CD1B: variants seen among roughly 807,000 people sequenced by gnomAD.
The protein encoded by CD1B is CD1b molecule.
A neutral mutation model predicts 39.8 loss-of-function variants in CD1B; 43 were observed. The ratio of observed to expected loss-of-function variants is 1.08; its 90% confidence interval spans 0.85 to 1.39. The LOEUF is 1.39. CD1B is among the 40% of genes most tolerant of loss of function. The pLI is 0.00. For missense variants in CD1B, 495 were observed against 403.8 expected (o/e 1.23, Z -1.94); for synonymous variants, 192 against 152.5 (o/e 1.26, Z -1.91).
chr1:158,331,183 C>A, intron 1 of CD1B, 121 bp from the exon 2 acceptor site: 1 of 1,196,976 alleles, frequency 8.4e-7, no homozygotes, highest in Admixed American at 2.3e-5. Context: ...CACAGGAAGT[C>A]TGACACATTT....
the CD1B span, among the ~76,000 whole-genome samples, chr1:158,286,113 G>A: frequency 6.6e-6 from 1 of 152,232 alleles, no homozygotes; most frequent in South Asian, 2.1e-4. Context: ...ACACAACAAC[G>A]TCTGTGGTCT....
At chr1:158,312,602 A>T in the CD1B span, among the ~76,000 whole-genome samples, 3 of 151,978 alleles carry the variant, frequency 2.0e-5, no homozygotes, top group African/African-American at 7.2e-5. Flanking sequence ...TAAGTATCTT[A>T]TATTTTGTAG....
the CD1B span, among the ~76,000 whole-genome samples, chr1:158,307,636 G>C: frequency 8.0e-4 from 121 of 152,196 alleles, no homozygotes; most frequent in African/African-American, 2.7e-3. Flanking sequence ...AACAAAAAAA[G>C]ACAATTTTAG....
At chr1:158,317,085 T>A in the CD1B span, among the ~76,000 whole-genome samples, 1 of 152,024 alleles carries the variant, frequency 6.6e-6, no homozygotes, top group Non-Finnish European at 1.5e-5. Context: ...GATTTTTGCA[T>A]CAATGTTCAT....
the CD1B span, among the ~76,000 whole-genome samples, chr1:158,310,140 T>C: frequency 6.6e-6 from 1 of 151,834 alleles, no homozygotes; most frequent in Admixed American, 6.6e-5. Flanking sequence ...AATGAACAGG[T>C]TAGAGAACCC....
At chr1:158,318,790 A>G in the CD1B span, among the ~76,000 whole-genome samples, 3 of 152,196 alleles carry the variant, frequency 2.0e-5, no homozygotes, top group Non-Finnish European at 2.9e-5. Flanking sequence ...ATGATTTTGC[A>G]GCAGCTTGTA....
intron 1 of CD1B, 109 bp from the exon 2 acceptor site, chr1:158,331,171 AACACAGGAAGTCTG>A: frequency 8.0e-7 from 1 of 1,254,842 alleles, no homozygotes; most frequent in Non-Finnish European, 1.1e-6. Context: ...GAGTCTAAAG[AACACAGGAAGTCTG>A]ACACATTTGA....
the CD1B span, among the ~76,000 whole-genome samples, chr1:158,318,715 G>T: frequency 6.6e-6 from 1 of 152,060 alleles, no homozygotes; most frequent in East Asian, 1.9e-4. Flanking sequence ...TATGATGTTA[G>T]GTGGTTATTT....
At chr1:158,307,931 G>A in the CD1B span, among the ~76,000 whole-genome samples, 3 of 152,160 alleles carry the variant, frequency 2.0e-5, no homozygotes, top group African/African-American at 4.8e-5. Flanking sequence ...GCACAAGACA[G>A]GGATGCCCTC....
the CD1B span, among the ~76,000 whole-genome samples, chr1:158,320,508 C>T: frequency 6.6e-5 from 10 of 151,746 alleles, no homozygotes; most frequent in African/African-American, 1.2e-4. Flanking sequence ...TGCCTCACCC[C>T]GCTTCAGCTG....
the CD1B span, chr1:158,293,621 T>C: frequency 6.3e-7 from 1 of 1,577,418 alleles, no homozygotes. Context: ...AACCAAATTC[T>C]AATTTGGAAT....
chr1:158,321,669 T>C, the CD1B span, among the ~76,000 whole-genome samples: 1 of 152,242 alleles, frequency 6.6e-6, no homozygotes, highest in Non-Finnish European at 1.5e-5. Flanking sequence ...TTATCTTTAG[T>C]GTATCTATTA....
the CD1B span, chr1:158,293,336 T>C: frequency 1.3e-6 from 2 of 1,596,922 alleles, no homozygotes; most frequent in African/African-American, 2.7e-5. Flanking sequence ...CTCCTCCCAG[T>C]TTCTTATTTC....
the CD1B span, among the ~76,000 whole-genome samples, chr1:158,317,123 CT>C: frequency 6.6e-6 from 1 of 151,902 alleles, no homozygotes; most frequent in African/African-American, 2.4e-5. Flanking sequence ...CTAAAATTCT[CT>C]TTTTTGGTTG....
chr1:158,292,309 G>GC, the CD1B span: 6 of 1,614,064 alleles, frequency 3.7e-6, no homozygotes, highest in African/African-American at 8.0e-5. Flanking sequence ...AGAAGCACTT[G>GC]CCCCCGATTT....
the CD1B span, among the ~76,000 whole-genome samples, chr1:158,296,383 C>T: frequency 1.3e-5 from 2 of 152,130 alleles, no homozygotes; most frequent in Non-Finnish European, 2.9e-5. Context: ...AGCTCACTGA[C>T]CCAAACCTAT....
At chr1:158,330,675 A>T in intron 2 of CD1B, 121 bp downstream of exon 2, 1 of 947,950 alleles carries the variant, frequency 1.1e-6, no homozygotes, top group Non-Finnish European at 1.7e-6. Context: ...CAAGAAAAGC[A>T]TGTGCGTGCA....
intron 5 of CD1B, among the ~76,000 whole-genome samples, chr1:158,328,688 CTT>C (rs1320346920): frequency 6.6e-6 from 1 of 152,096 alleles, no homozygotes; most frequent in Non-Finnish European, 1.5e-5. Flanking sequence ...TGTGAACACA[CTT>C]AACACCACTG....
chr1:158,315,357 T>C, the CD1B span, among the ~76,000 whole-genome samples: 2 of 151,926 alleles, frequency 1.3e-5, no homozygotes, highest in Admixed American at 1.3e-4. Flanking sequence ...TTCTAACTGG[T>C]GTGAGATGGT....
Sources: gnomAD v4.1 joint callset for allele counts (sites outside exome capture counted in the v4.1 genomes callset) on GRCh38, gnomAD v4.1.1 for gene constraint, MANE v1.5 for transcripts, NCBI Gene and HGNC (gene_info 2026-07-23, HGNC 2026-07-21) for gene names.